The following MCU variants were observed in gnomAD, a reference collection of about 807,000 sequenced individuals.
MCU encodes mitochondrial calcium uniporter.
A neutral mutation model predicts 45.2 loss-of-function variants in MCU; 12 were observed. That is an observed-to-expected ratio of 0.27 (90% CI 0.17 to 0.43). The LOEUF is 0.43. Ranked by LOEUF, MCU falls within the 20% of genes least tolerant of loss-of-function variation. MCU has a pLI of 1.00. For synonymous variants in MCU, 160 were observed against 165.1 expected, an observed-to-expected ratio of 0.97 and a Z score of 0.24; for missense variants, 324 against 436.7, an observed-to-expected ratio of 0.74 and a Z score of 2.30.
At chr10:72,728,515 T>C (rs1431617824) in intron 1 of MCU, among the ~76,000 whole-genome samples, 1 of 152,202 alleles carries the variant, frequency 6.6e-6, no homozygotes, top group African/African-American at 2.4e-5. Flanking sequence ...GAGAAATCCA[T>C]GTAAAGATAC....
intron 1 of MCU, among the ~76,000 whole-genome samples, chr10:72,712,807 A>G (rs943549571): frequency 2.0e-5 from 3 of 152,114 alleles, no homozygotes; most frequent in African/African-American, 7.2e-5. Flanking sequence ...TATCTTCTCA[A>G]TTTCATGCTG....
chr10:72,714,345 C>CTTTTTTTGTTTTTTTT (rs1842931973), intron 1 of MCU, among the ~76,000 whole-genome samples: 1 of 54,768 alleles, frequency 1.8e-5, no homozygotes, highest in African/African-American at 6.4e-5. Context: ...CCGCCCTGGT[C>CTTTTTTTGTTTTTTTT]TTTTTTTTTT....
intron 2 of MCU, among the ~76,000 whole-genome samples, chr10:72,838,325 T>C (rs1345496916): frequency 1.3e-5 from 2 of 152,102 alleles, no homozygotes; most frequent in Non-Finnish European, 2.9e-5. Context: ...GTATTAAGAA[T>C]TGCTAGGGCC....
At position 72,702,986 on chromosome 10, in the gene MCU, G is replaced by GAA. The variant is rs111630078; in HGVS notation, c.150+10699_150+10700dup. ...AGAACGAAACTGTGTCTCAAAAAAA[G>GAA]AAAAAAAAAAAAAAAGCAAACATTT... On this transcript the variant is annotated intron_variant, in intron 1 of 7. Coordinates refer to ENST00000373053, the MANE Select transcript of MCU (RefSeq NM_138357.3). Among the ~76,000 whole-genome samples, 185 of 80,702 alleles carry GAA rather than the reference G, an allele frequency of 2.3e-3. 1 individual carries two copies. Among genetic ancestry groups the GAA allele is most frequent in the Middle Eastern group, 0.021 (3 of 146 alleles). The allele number at this position is 80,702 out of a possible 152,430, so 52.9% of individuals were successfully genotyped here. A position where few individuals can be genotyped will look rare whatever the true frequency, so the allele number is the denominator to read the frequency against.
chr10:72,739,558 G>A (rs1214774530), intron 1 of MCU, among the ~76,000 whole-genome samples: 1 of 151,918 alleles, frequency 6.6e-6, no homozygotes, highest in African/African-American at 2.4e-5. Context: ...AACATTTTTC[G>A]TTTTAAAGAA....
intron 4 of MCU, among the ~76,000 whole-genome samples, chr10:72,867,619 C>T (rs913330294): frequency 5.9e-5 from 9 of 151,860 alleles, no homozygotes; most frequent in South Asian, 4.1e-4. Flanking sequence ...TTTAGGAGGT[C>T]GAGGCAGGTA....
intron 1 of MCU, among the ~76,000 whole-genome samples, chr10:72,828,500 C>G (rs975219487): frequency 1.3e-4 from 20 of 152,226 alleles, no homozygotes; most frequent in Middle Eastern, 3.4e-3. Context: ...CTTCCTCCCC[C>G]TCAGCATTCC....
At chr10:72,696,734 A>G (rs1842692675) in intron 1 of MCU, among the ~76,000 whole-genome samples, 1 of 152,164 alleles carries the variant, frequency 6.6e-6, no homozygotes, top group Non-Finnish European at 1.5e-5. Flanking sequence ...GACAAGCATT[A>G]GTTAGCTATG....
intron 1 of MCU, among the ~76,000 whole-genome samples, chr10:72,738,244 T>C (rs1273767115): frequency 6.6e-6 from 1 of 152,178 alleles, no homozygotes; most frequent in Non-Finnish European, 1.5e-5. Flanking sequence ...CTGGGGGCTC[T>C]GAGAAATTGC....
chr10:72,697,651 G>A (rs1335377179), intron 1 of MCU, among the ~76,000 whole-genome samples: 1 of 151,780 alleles, frequency 6.6e-6, no homozygotes, highest in Non-Finnish European at 1.5e-5. Context: ...GGACAGGCTA[G>A]TCTTGAACTC....
chr10:72,864,406 C>G (rs533253815), intron 4 of MCU, among the ~76,000 whole-genome samples: 1 of 152,118 alleles, frequency 6.6e-6, no homozygotes, highest in Non-Finnish European at 1.5e-5. Flanking sequence ...TGATACGTAC[C>G]GTAGACTGAG....
chr10:72,874,780 C>A (rs1419394956), intron 6 of MCU, among the ~76,000 whole-genome samples: 6 of 152,088 alleles, frequency 3.9e-5, no homozygotes, highest in Non-Finnish European at 8.8e-5. Context: ...TAATATTTTT[C>A]CAGTTATACC....
intron 1 of MCU, among the ~76,000 whole-genome samples, chr10:72,788,783 C>T (rs1844115241): frequency 6.6e-6 from 1 of 152,194 alleles, no homozygotes. Flanking sequence ...TGCATTGTCA[C>T]CTAGTAGCAA....
At chr10:72,752,591 G>A (rs932025555) in intron 1 of MCU, among the ~76,000 whole-genome samples, 3 of 151,530 alleles carry the variant, frequency 2.0e-5, no homozygotes, top group Admixed American at 1.3e-4. Flanking sequence ...AAAACTGAGG[G>A]CACATTTGGA....
intron 1 of MCU, among the ~76,000 whole-genome samples, chr10:72,817,149 A>G (rs759760536): frequency 5.9e-5 from 9 of 152,166 alleles, no homozygotes; most frequent in Non-Finnish European, 1.3e-4. Flanking sequence ...AGACCTCTAT[A>G]TTGTAAAGCA....
At chr10:72,825,776 T>A (rs1280493226) in intron 1 of MCU, among the ~76,000 whole-genome samples, 2 of 152,212 alleles carry the variant, frequency 1.3e-5, no homozygotes, top group Non-Finnish European at 2.9e-5. Flanking sequence ...GTCTTGTGTG[T>A]CAGGAAATAA....
intron 1 of MCU, among the ~76,000 whole-genome samples, chr10:72,762,791 A>G (rs1399545313): frequency 6.6e-6 from 1 of 152,146 alleles, no homozygotes; most frequent in Admixed American, 6.5e-5. Context: ...GTATAATGTC[A>G]TAAAACTGTT....
At chr10:72,804,453 C>T (rs73286766) in intron 1 of MCU, among the ~76,000 whole-genome samples, 8,019 of 152,124 alleles carry the variant, frequency 0.053, 710 homozygotes, top group African/African-American at 0.18. Flanking sequence ...AAAAACAAAA[C>T]ATTTTAATTA....
In MCU at chr10:72,805,087, TTCTTTCTTTCTTTC is replaced by T. The variant is rs750532235; in HGVS notation, c.151-29256_151-29243del. Reference sequence around the variant, plus strand: ...ACCTGGCCCTAGTTTGTTTCTTTCTTTCTTTCTTTCTTTCTCTTTCTTTCTTTCTTTCTTTCTTT... The same window carrying T: ...ACCTGGCCCTAGTTTGTTTCTTTCTTTCTTTCTTTCTTTCTTTCTTTCTTT... On this transcript the variant is annotated intron_variant, in intron 1 of 7. Coordinates refer to ENST00000373053, the MANE Select transcript of MCU (RefSeq NM_138357.3). Among the ~76,000 whole-genome samples the T allele has an allele frequency of 3.9e-3, 542 of 137,286 alleles. 5 individuals carry two copies. Among genetic ancestry groups the T allele is most frequent in the African/African-American group, 0.014 (476 of 34,630 alleles). 90.1% of individuals were successfully genotyped at this position (137,286 alleles called of 152,430 possible). A position where few individuals can be genotyped will look rare whatever the true frequency, so the allele number is the denominator to read the frequency against.
Sources: allele counts gnomAD v4.1 joint callset (sites outside exome capture counted in the v4.1 genomes callset), GRCh38; gene constraint gnomAD v4.1.1; transcripts MANE v1.5; gene names NCBI Gene and HGNC (gene_info 2026-07-23, HGNC 2026-07-21).